Variants in SND1 observed in about 807,000 individuals in gnomAD.
SND1 encodes staphylococcal nuclease domain-containing protein 1.
In SND1, 38 loss-of-function variants were observed where a neutral mutation model predicts 121.7. The ratio of observed to expected loss-of-function variants is 0.31; its 90% confidence interval spans 0.24 to 0.41. The LOEUF (loss-of-function observed/expected upper bound fraction) is 0.41, where lower values mean the gene tolerates loss of function less well. SND1 is among the 10% of genes least tolerant of loss of function. The pLI is 1.00. For synonymous variants in SND1, 401 were observed against 447.4 expected (o/e 0.90, Z 1.31); for missense variants, 868 against 1,184.6 (o/e 0.73, Z 3.92).
intron 14 of SND1, chr7:127,927,971 A>C (rs1800875451): frequency 6.6e-6 from 1 of 152,028 alleles, no homozygotes; most frequent in African/African-American, 2.4e-5. Context: ...TGGGCTGAAA[A>C]CCTGAAACTC....
At chr7:127,695,842 T>C (rs148741547) in intron 3 of SND1, among the ~76,000 whole-genome samples, 228 of 152,212 alleles carry the variant, frequency 1.5e-3, no homozygotes, top group Admixed American at 3.4e-3. Context: ...AAAAAAATAG[T>C]ATATGTAAAG....
intron 10 of SND1, among the ~76,000 whole-genome samples, chr7:127,802,799 C>T (rs1798159436): frequency 6.6e-6 from 1 of 152,180 alleles, no homozygotes; most frequent in Admixed American, 6.5e-5. Context: ...ACTGGTGAAT[C>T]TTCCCGATCT....
At chr7:127,858,504 A>G (rs1040207254) in intron 12 of SND1, 1 of 538,302 alleles carries the variant, frequency 1.9e-6, no homozygotes, top group African/African-American at 1.9e-5. Context: ...TTACCTGCAG[A>G]AGTTCTGTAC....
chr7:128,050,281 T>C (rs1033735746), intron 16 of SND1, among the ~76,000 whole-genome samples: 4 of 152,218 alleles, frequency 2.6e-5, no homozygotes, highest in African/African-American at 9.6e-5. Flanking sequence ...TTAATGCATG[T>C]TTATGTCATT....
Position 128,089,633 on chromosome 7 carries a change from T to C in SND1, c.2563T>C (p.Leu855=). 1.2e-6 allele frequency: 2 copies of C among 1,614,142 alleles called. No individual in the cohort carries two copies. The highest frequency in any genetic ancestry group is 1.7e-6 in the Non-Finnish European group (2 of 1,180,008). The change falls in exon 22 of 24, where the codon TTG becomes CTG. Residue 855 remains leucine (L), a synonymous_variant. Coordinates refer to ENST00000354725, the MANE Select transcript of SND1 (RefSeq NM_014390.4). ...ADSKGDVGLG[L]VKEGLVMVEV... is the part of the protein sequence containing the mutation. Reference sequence around the variant, plus strand: ...TTCCAAGGGCGATGTGGGGCTGGGCTTGGTGAAGGAAGGGCTGGTCATGGT... The same window carrying C: ...TTCCAAGGGCGATGTGGGGCTGGGCCTGGTGAAGGAAGGGCTGGTCATGGT...
intron 16 of SND1, among the ~76,000 whole-genome samples, chr7:128,026,382 T>C (rs1302055632): frequency 6.6e-6 from 1 of 152,214 alleles, no homozygotes; most frequent in Non-Finnish European, 1.5e-5. Flanking sequence ...GGATTAAGAA[T>C]TGGCCCTTTC....
chr7:127,769,859 C>A (rs1797484179), intron 10 of SND1, among the ~76,000 whole-genome samples: 1 of 152,110 alleles, frequency 6.6e-6, no homozygotes. Context: ...ATTGCTTAAT[C>A]CTCTGTTGCT....
intron 1 of SND1, among the ~76,000 whole-genome samples, chr7:127,672,295 A>G (rs1045536199): frequency 2.0e-5 from 3 of 152,110 alleles, no homozygotes; most frequent in East Asian, 1.9e-4. Context: ...CAATAAAACC[A>G]TCAAGATCAG....
At chr7:127,695,560 C>T (rs903859346) in intron 3 of SND1, among the ~76,000 whole-genome samples, 1 of 152,128 alleles carries the variant, frequency 6.6e-6, no homozygotes, top group African/African-American at 2.4e-5. Flanking sequence ...GGCCAGGCAC[C>T]GTGGCTCACA....
rs1261384680 is a variant in SND1, at chr7:127,652,332, G to T, written c.-42G>T. On this transcript the variant is annotated 5_prime_UTR_variant, in exon 1 of 24. Transcript: ENST00000354725. The stretch of plus-strand genomic sequence containing the variant: ...ACCGACACCCACATTGACACCTCCA[G>T]TCCGGCCAGCCGCTCCACTCGTTGC... 6.5e-7 allele frequency: 1 copy of T among 1,540,236 alleles called. No homozygotes were observed.
intron 16 of SND1, among the ~76,000 whole-genome samples, chr7:128,002,646 T>C (rs1563084955): frequency 6.6e-6 from 1 of 152,206 alleles, no homozygotes; most frequent in African/African-American, 2.4e-5. Flanking sequence ...GAGACTAATC[T>C]GCCAACAGTG....
intron 10 of SND1, among the ~76,000 whole-genome samples, chr7:127,752,428 T>C (rs1245094671): frequency 6.6e-6 from 1 of 152,228 alleles, no homozygotes; most frequent in African/African-American, 2.4e-5. Flanking sequence ...TGGCCACTTT[T>C]CTTCGGAGAC....
intron 18 of SND1, among the ~76,000 whole-genome samples, chr7:128,082,677 G>T (rs1240952601): frequency 1.3e-5 from 2 of 152,150 alleles, no homozygotes; most frequent in Non-Finnish European, 2.9e-5. Context: ...TTAGGGCTGG[G>T]TCATGTGACA....
At chr7:127,988,949 T>C (rs1216202605) in intron 15 of SND1, among the ~76,000 whole-genome samples, 1 of 152,236 alleles carries the variant, frequency 6.6e-6, no homozygotes, top group East Asian at 1.9e-4. Flanking sequence ...TCAATGGAAT[T>C]GTTTATTTTT....
chr7:127,931,130 A>G (rs542109942), intron 15 of SND1, among the ~76,000 whole-genome samples: 5 of 152,260 alleles, frequency 3.3e-5, no homozygotes, highest in Non-Finnish European at 5.9e-5. Flanking sequence ...AGAAAACCAA[A>G]CAAAGCTTGG....
intron 16 of SND1, among the ~76,000 whole-genome samples, chr7:127,994,800 C>T (rs185007628): frequency 5.3e-5 from 8 of 152,262 alleles, no homozygotes; most frequent in Non-Finnish European, 1.2e-4. Context: ...CAACCTCTGC[C>T]TTCTGGGTTC....
intron 16 of SND1, among the ~76,000 whole-genome samples, chr7:128,013,688 C>T (rs1407652259): frequency 6.6e-6 from 1 of 152,174 alleles, no homozygotes; most frequent in Admixed American, 6.5e-5. Flanking sequence ...AACCTAGATC[C>T]CTCGCATGTG....
chr7:127,707,495 A>G (rs1311794961), intron 8 of SND1, 62 bp from the exon 9 acceptor site: 4 of 1,342,728 alleles, frequency 3.0e-6, no homozygotes, highest in Non-Finnish European at 2.1e-6. Flanking sequence ...CTGTGCTCCC[A>G]TGGTAGTGGT....
intron 10 of SND1, among the ~76,000 whole-genome samples, chr7:127,762,709 A>T (rs1157899413): frequency 6.6e-6 from 1 of 152,184 alleles, no homozygotes; most frequent in Non-Finnish European, 1.5e-5. Context: ...GTTTGTCTTG[A>T]TATGTGATGC....
Sources: gnomAD v4.1 joint callset for allele counts (sites outside exome capture counted in the v4.1 genomes callset) on GRCh38, gnomAD v4.1.1 for gene constraint, MANE v1.5 for transcripts, NCBI Gene and HGNC (gene_info 2026-07-23, HGNC 2026-07-21) for gene names.